NXPE2: variants seen among roughly 807,000 people sequenced by gnomAD.
NXPE2 encodes the protein neurexophilin and PC-esterase domain family member 2.
In NXPE2, 34 loss-of-function variants were observed where a neutral mutation model predicts 34.4. That is an observed-to-expected ratio of 0.99 (90% CI 0.75 to 1.31). The LOEUF (loss-of-function observed/expected upper bound fraction) is 1.31, where lower values mean the gene tolerates loss of function less well. Among genes scored for constraint, NXPE2 ranks in the 40% most tolerant of loss-of-function variants. The pLI is 0.00. For synonymous variants in NXPE2, 235 were observed against 231.3 expected, an observed-to-expected ratio of 1.02 and a Z score of -0.15; for missense variants, 649 against 672.5, an observed-to-expected ratio of 0.97 and a Z score of 0.39.
the NXPE2 span, among the ~76,000 whole-genome samples, chr11:114,631,580 G>A: frequency 3.3e-5 from 5 of 151,638 alleles, 1 homozygote; most frequent in Non-Finnish European, 5.9e-5. Context: ...GTTAGATGAC[G>A]AGTTAGTGGG....
the NXPE2 span, among the ~76,000 whole-genome samples, chr11:114,588,381 T>C: frequency 0.011 from 1,700 of 152,290 alleles, 27 homozygotes; most frequent in African/African-American, 0.038. Context: ...CTGATAAGTA[T>C]ATAAAAGCTT....
the NXPE2 span, among the ~76,000 whole-genome samples, chr11:114,632,974 T>C: frequency 9.6e-6 from 1 of 103,790 alleles, no homozygotes; most frequent in Non-Finnish European, 1.7e-5. Context: ...ATATATTATA[T>C]ATTATATATT....
At chr11:114,758,000 G>A in the NXPE2 span, among the ~76,000 whole-genome samples, 1 of 152,158 alleles carries the variant, frequency 6.6e-6, no homozygotes, top group African/African-American at 2.4e-5. Flanking sequence ...AATTTCATGG[G>A]AAGTTTTGTT....
the NXPE2 span, among the ~76,000 whole-genome samples, chr11:114,645,993 C>T: frequency 6.6e-6 from 1 of 152,028 alleles, no homozygotes; most frequent in Non-Finnish European, 1.5e-5. Flanking sequence ...GCATTTATAT[C>T]TATTGGTTAG....
chr11:114,610,309 C>G, the NXPE2 span, among the ~76,000 whole-genome samples: 1 of 151,170 alleles, frequency 6.6e-6, no homozygotes, highest in African/African-American at 2.4e-5. Context: ...TAGTGTGTAA[C>G]CACTGTTATC....
chr11:114,546,466 TTTTTC>T, the NXPE2 span, among the ~76,000 whole-genome samples: 3 of 93,298 alleles, frequency 3.2e-5, no homozygotes, highest in African/African-American at 7.7e-5. Context: ...ATATTTTTTC[TTTTTC>T]TTTTTTTTTT....
At chr11:114,642,201 C>A in the NXPE2 span, among the ~76,000 whole-genome samples, 2 of 151,972 alleles carry the variant, frequency 1.3e-5, no homozygotes, top group African/African-American at 4.8e-5. Context: ...CATTTTACTT[C>A]TGTGGTCCTT....
At chr11:114,639,292 T>C in the NXPE2 span, among the ~76,000 whole-genome samples, 8,658 of 151,686 alleles carry the variant, frequency 0.057, 319 homozygotes, top group Middle Eastern at 0.12. Context: ...TATAATCTCC[T>C]GGTGCACCGT....
chr11:114,743,271 G>T, the NXPE2 span, among the ~76,000 whole-genome samples: 4 of 144,890 alleles, frequency 2.8e-5, no homozygotes, highest in African/African-American at 5.2e-5. Flanking sequence ...AAGTAATTGT[G>T]CACCAAGGCC....
the NXPE2 span, chr11:114,530,875 G>C: frequency 3.1e-6 from 5 of 1,612,768 alleles, no homozygotes; most frequent in Non-Finnish European, 4.2e-6. Flanking sequence ...TTCCAGTAAT[G>C]GACAGAGATG....
intron 2 of NXPE2, among the ~76,000 whole-genome samples, chr11:114,684,601 T>C (rs1430315849): frequency 6.6e-6 from 1 of 151,876 alleles, no homozygotes; most frequent in Non-Finnish European, 1.5e-5. Context: ...TTAGTGGTAG[T>C]GGAGAAAGTG....
chr11:114,657,230 C>G, the NXPE2 span, among the ~76,000 whole-genome samples: 2 of 152,190 alleles, frequency 1.3e-5, no homozygotes, highest in African/African-American at 4.8e-5. Flanking sequence ...CTACCTCTAT[C>G]TCTGATTGCA....
chr11:114,678,741 C>T (rs767537650), intron 1 of NXPE2, 140 bp downstream of exon 1: 12 of 629,546 alleles, frequency 1.9e-5, no homozygotes, highest in Non-Finnish European at 3.1e-5. Flanking sequence ...CATAAAAATA[C>T]TTTTAAAATG....
the NXPE2 span, among the ~76,000 whole-genome samples, chr11:114,735,026 C>T: frequency 2.6e-5 from 4 of 152,082 alleles, no homozygotes; most frequent in South Asian, 2.1e-4. Flanking sequence ...AGGAGAATGG[C>T]GTGAACCTGG....
chr11:114,608,056 G>C, the NXPE2 span, among the ~76,000 whole-genome samples: 1 of 151,476 alleles, frequency 6.6e-6, no homozygotes, highest in South Asian at 2.1e-4. Flanking sequence ...GTGTTTCCTC[G>C]GGGGTAACCA....
the NXPE2 span, among the ~76,000 whole-genome samples, chr11:114,801,195 G>A: frequency 1.3e-5 from 2 of 152,294 alleles, no homozygotes; most frequent in African/African-American, 4.8e-5. Context: ...AAAAGGAAAA[G>A]AGAATATCAG....
the NXPE2 span, among the ~76,000 whole-genome samples, chr11:114,612,955 G>A: frequency 6.6e-6 from 1 of 151,920 alleles, no homozygotes; most frequent in African/African-American, 2.4e-5. Context: ...GTTACCTGCT[G>A]GATAATAATT....
the NXPE2 span, among the ~76,000 whole-genome samples, chr11:114,478,387 T>A: frequency 1.3e-5 from 2 of 152,184 alleles, no homozygotes; most frequent in Non-Finnish European, 2.9e-5. Flanking sequence ...TTTGTTTAGC[T>A]TTTGAAAAGA....
At chr11:114,526,064 A>T in the NXPE2 span, among the ~76,000 whole-genome samples, 13 of 152,304 alleles carry the variant, frequency 8.5e-5, no homozygotes, top group African/African-American at 2.9e-4. Flanking sequence ...GAGGCAGAAG[A>T]GTGGGTCAAA....
Sources: gnomAD v4.1 joint callset for allele counts (sites outside exome capture counted in the v4.1 genomes callset) on GRCh38, gnomAD v4.1.1 for gene constraint, MANE v1.5 for transcripts, NCBI Gene and HGNC (gene_info 2026-07-23, HGNC 2026-07-21) for gene names.